The following COPE variants were observed in gnomAD, a reference collection of about 807,000 sequenced individuals.
COPE encodes the protein coatomer subunit epsilon.
A neutral mutation model predicts 42.1 loss-of-function variants in COPE; 19 were observed. The ratio of observed to expected loss-of-function variants is 0.45; its 90% CI spans 0.31 to 0.66. COPE has a LOEUF of 0.66. Ranked by LOEUF, COPE falls within the 30% of genes least tolerant of loss-of-function variation. The pLI is 0.05. For missense variants in COPE, 402 were observed against 416.1 expected (o/e 0.97, Z 0.30); for synonymous variants, 195 against 181.3 (o/e 1.08, Z -0.60).
intron 1 of COPE, among the ~76,000 whole-genome samples, chr19:18,915,670 G>A (rs900297206): frequency 1.5e-4 from 23 of 152,238 alleles, no homozygotes; most frequent in Non-Finnish European, 1.5e-4. Flanking sequence ...CCATGGTTGA[G>A]GAATCAGGGT....
chr19:18,918,883 C>T (rs958595204), intron 1 of COPE, among the ~76,000 whole-genome samples: 2 of 152,140 alleles, frequency 1.3e-5, no homozygotes, highest in African/African-American at 2.4e-5. Context: ...GGTTCTCATC[C>T]GTAAAATGAG....
In COPE at chr19:18,907,016, G is replaced by A. The variant is rs118170439; in HGVS notation, c.387C>T (p.His129=). ...GCAGGGCGGCATCCGGGTTCTGGTC[G>A]TGGAGATAGATGGAGGCGGCCATGA... ...FLLMAASIYL[H]DQNPDAALRA... Residue 129 remains histidine (H), a synonymous_variant, in exon 4 of 10, where the codon CAC becomes CAT. Coordinates refer to ENST00000262812, the MANE Select transcript of COPE (RefSeq NM_007263.4). 10,496 of 1,595,492 alleles carry A rather than the reference G, an allele frequency of 6.6e-3. 83 individuals are homozygous for A. Among genetic ancestry groups the A allele is most frequent in the Non-Finnish European group, 6.6e-3 (7,785 of 1,171,484 alleles).
intron 4 of COPE, chr19:18,906,064 A>C: frequency 2.5e-6 from 1 of 403,090 alleles, no homozygotes; most frequent in Non-Finnish European, 4.4e-6. Flanking sequence ...CATCCCTCTC[A>C]GCCCCAGGTG....
chr19:18,916,902 C>T (rs2145086407), intron 1 of COPE, among the ~76,000 whole-genome samples: 1 of 146,864 alleles, frequency 6.8e-6, no homozygotes, highest in South Asian at 2.1e-4. Flanking sequence ...AGGAGGATGC[C>T]ACTGCACTCC....
At chr19:18,906,871 C>T (rs1390121973) in intron 4 of COPE, 89 bp downstream of exon 4, 19 of 1,406,532 alleles carry the variant, frequency 1.4e-5, no homozygotes, top group Admixed American at 2.4e-5. Context: ...GCTCCCATGA[C>T]GACAGCCAGC....
At chr19:18,903,529 T>G in intron 6 of COPE, 106 bp from the exon 7 acceptor site, 2 of 1,330,018 alleles carry the variant, frequency 1.5e-6, no homozygotes, top group East Asian at 5.5e-5. Context: ...CAGAGACGAA[T>G]CTGGTGTGCC....
Position 18,912,339 on chromosome 19 carries a change from G to A in COPE, c.189+645C>T, listed in dbSNP as rs554225124. On this transcript the variant is annotated intron_variant, in intron 2 of 9. Coordinates refer to ENST00000262812, the MANE Select transcript of COPE (RefSeq NM_007263.4). ...TTTTTTAATTTTTTTTTGTAGAGACGGGGGTCTCACTATGTTGCCCAGGCT... is the reference window on the plus strand; with the variant it reads ...TTTTTTAATTTTTTTTTGTAGAGACAGGGGTCTCACTATGTTGCCCAGGCT... 4.0e-5 allele frequency among the ~76,000 whole-genome samples: 6 copies of A among 151,812 alleles called. No individual in the cohort carries two copies. In the South Asian group the frequency reaches 1.2e-3, roughly 32 times the overall value.
In COPE at chr19:18,904,856, G is replaced by A. The variant is rs1366741218; in HGVS notation, c.498-4C>T. On this transcript the variant is annotated splice_polypyrimidine_tract_variant and splice_region_variant and intron_variant, in intron 5 of 9. Transcript: ENST00000262812. The stretch of plus-strand genomic sequence containing the variant: ...CTGCATTCTCTTCAGCTCCTTCCTG[G>A]GGCGGGGACAGATGACAGAGGGGCT... The A allele has an allele frequency of 6.4e-7, 1 of 1,552,600 alleles. No homozygotes were observed. Among genetic ancestry groups the A allele is most frequent in the Non-Finnish European group, 8.7e-7 (1 of 1,147,542 alleles).
chr19:18,913,123 G>A (rs2056826172), intron 1 of COPE, 77 bp from the exon 2 acceptor site: 1 of 1,313,848 alleles, frequency 7.6e-7, no homozygotes, highest in Non-Finnish European at 1.1e-6. Flanking sequence ...TGACAGACAG[G>A]CCCCTGTACA....
intron 6 of COPE, 117 bp downstream of exon 6, chr19:18,904,654 G>T (rs960594917): frequency 2.4e-5 from 21 of 885,806 alleles, no homozygotes; most frequent in Non-Finnish European, 3.3e-5. Flanking sequence ...AGGGGCCACG[G>T]CCTGATCCTG....
At chr19:18,913,127 C>T (rs1014064366) in intron 1 of COPE, 81 bp from the exon 2 acceptor site, 11 of 1,272,740 alleles carry the variant, frequency 8.6e-6, no homozygotes, top group Non-Finnish European at 1.2e-5. Context: ...AGACAGGCCC[C>T]TGTACACTGG....
chr19:18,911,866 T>G (rs2056813889), intron 2 of COPE, among the ~76,000 whole-genome samples: 1 of 150,054 alleles, frequency 6.7e-6, no homozygotes, highest in African/African-American at 2.5e-5. Context: ...TTTTTTTTTT[T>G]TGAGATGGAG....
At chr19:18,903,541 G>C in intron 6 of COPE, 118 bp from the exon 7 acceptor site, 2 of 1,194,448 alleles carry the variant, frequency 1.7e-6, no homozygotes, top group Non-Finnish European at 1.1e-6. Flanking sequence ...TGGTGTGCCC[G>C]GTTCAAGGCA....
intron 4 of COPE, chr19:18,906,230 C>G: frequency 3.2e-6 from 1 of 316,878 alleles, no homozygotes; most frequent in East Asian, 4.8e-5. Flanking sequence ...GGCTCTGCCA[C>G]CCAGGCTGGA....
chr19:18,912,889 C>T, intron 2 of COPE, 95 bp downstream of exon 2: 2 of 1,243,430 alleles, frequency 1.6e-6, no homozygotes, highest in Non-Finnish European at 2.3e-6. Flanking sequence ...GCTTTGTTTA[C>T]TGTCCCCGCC....
intron 7 of COPE, among the ~76,000 whole-genome samples, 194 bp from the exon 8 acceptor site, chr19:18,900,643 TCA>T (rs918187425): frequency 5.3e-5 from 8 of 152,088 alleles, no homozygotes; most frequent in African/African-American, 1.9e-4. Context: ...TCGCTGAGCC[TCA>T]GTTTCCCCAT....
chr19:18,901,483 A>G (rs965412207), intron 7 of COPE, among the ~76,000 whole-genome samples: 3 of 152,168 alleles, frequency 2.0e-5, no homozygotes, highest in African/African-American at 4.8e-5. Context: ...CTAAAGATGG[A>G]CCCTGCTCAG....
At chr19:18,902,589 C>T (rs1370044907) in intron 7 of COPE, among the ~76,000 whole-genome samples, 4 of 146,652 alleles carry the variant, frequency 2.7e-5, no homozygotes, top group South Asian at 4.3e-4. Flanking sequence ...CACTTGAACC[C>T]AGGAGGCGGA....
chr19:18,919,371 C>G lies in COPE; in HGVS notation c.-23G>C, dbSNP rs774698623. 1.9e-6 allele frequency: 3 copies of G among 1,609,906 alleles called. No homozygotes were observed. The highest frequency in any genetic ancestry group is 3.4e-5 in the Admixed American group (2 of 59,242). On this transcript the variant is annotated 5_prime_UTR_variant, in exon 1 of 10. Transcript: ENST00000262812. The stretch of plus-strand genomic sequence containing the variant: ...CATTTCGCTGTCTTCTCACCAGCTC[C>G]TCTTCCTGAAAGACACGTCAGCCGG...
Sources: allele counts gnomAD v4.1 joint callset (sites outside exome capture counted in the v4.1 genomes callset), GRCh38; gene constraint gnomAD v4.1.1; transcripts MANE v1.5; gene names NCBI Gene and HGNC (gene_info 2026-07-23, HGNC 2026-07-21).